BLTP3A: variants seen among roughly 807,000 people sequenced by gnomAD.
The protein encoded by BLTP3A is bridge-like lipid transfer protein family member 3A, also known as ICBP90 binding protein 1.
At chr6:34,860,957 A>G in the BLTP3A span, among the ~76,000 whole-genome samples, 1,928 of 152,158 alleles carry the variant, frequency 0.013, 42 homozygotes, top group African/African-American at 0.041. Flanking sequence ...GGACTCCTCT[A>G]TGGTAGTTAA....
chr6:34,821,685 A>G, the BLTP3A span: 14 of 1,613,428 alleles, frequency 8.7e-6, no homozygotes, highest in African/African-American at 1.7e-4. Context: ...GACAAAATCA[A>G]CCTGAGCACC....
the BLTP3A span, among the ~76,000 whole-genome samples, chr6:34,808,332 G>C: frequency 1.3e-5 from 1 of 79,884 alleles, no homozygotes; most frequent in Non-Finnish European, 2.1e-5. Flanking sequence ...GGCAACAAGA[G>C]TGAAACTCCG....
At chr6:34,862,370 C>T in the BLTP3A span, among the ~76,000 whole-genome samples, 2 of 149,440 alleles carry the variant, frequency 1.3e-5, no homozygotes, top group African/African-American at 2.5e-5. Context: ...AGCGAGACTC[C>T]GTCTCAAAAA....
the BLTP3A span, among the ~76,000 whole-genome samples, chr6:34,869,465 A>G: frequency 6.6e-6 from 1 of 152,040 alleles, no homozygotes; most frequent in Non-Finnish European, 1.5e-5. Flanking sequence ...ACGTGTTTAT[A>G]TTAATGTATT....
the BLTP3A span, among the ~76,000 whole-genome samples, chr6:34,870,669 C>G: frequency 1.3e-5 from 2 of 152,204 alleles, no homozygotes; most frequent in African/African-American, 2.4e-5. Context: ...TGCCTGGGTT[C>G]AGATCCTCTC....
the BLTP3A span, chr6:34,792,098 G>T: frequency 4.5e-6 from 2 of 449,186 alleles, no homozygotes; most frequent in Non-Finnish European, 3.4e-6. Flanking sequence ...GGAGCGCCAG[G>T]CGCCCAAAGA....
the BLTP3A span, among the ~76,000 whole-genome samples, chr6:34,823,619 T>C: frequency 6.7e-6 from 1 of 150,046 alleles, no homozygotes; most frequent in Non-Finnish European, 1.5e-5. Context: ...CACAGTTCAC[T>C]GTAGCCTCGA....
the BLTP3A span, among the ~76,000 whole-genome samples, chr6:34,825,035 T>C: frequency 6.6e-6 from 1 of 152,208 alleles, no homozygotes; most frequent in Non-Finnish European, 1.5e-5. Flanking sequence ...ATTTGGGTGA[T>C]AGGCCTTTTA....
At chr6:34,822,035 G>C in the BLTP3A span, 2 of 1,557,150 alleles carry the variant, frequency 1.3e-6, no homozygotes, top group South Asian at 1.1e-5. Context: ...GAAAATGATA[G>C]GCTAACCCTT....
the BLTP3A span, chr6:34,836,098 G>A: frequency 6.4e-7 from 1 of 1,564,312 alleles, no homozygotes; most frequent in East Asian, 2.3e-5. Flanking sequence ...CTTAAAGAAA[G>A]CCTACAAAGG....
chr6:34,821,443 C>CATTAAAAA, the BLTP3A span: 12 of 429,086 alleles, frequency 2.8e-5, no homozygotes, highest in South Asian at 2.4e-4. Flanking sequence ...TGCATTTGTT[C>CATTAAAAA]TGGCTGGTCT....
At chr6:34,821,423 G>T in the BLTP3A span, 1 of 377,200 alleles carries the variant, frequency 2.7e-6, no homozygotes, top group Non-Finnish European at 4.8e-6. Flanking sequence ...TAGAGATGGT[G>T]TGGTCTGAGT....
At chr6:34,864,258 C>G in the BLTP3A span, 1 of 1,478,738 alleles carries the variant, frequency 6.8e-7, no homozygotes, top group Non-Finnish European at 9.3e-7. Context: ...TCTCTGCTGC[C>G]TGTATCAGAC....
At chr6:34,824,686 T>G in the BLTP3A span, among the ~76,000 whole-genome samples, 1 of 152,034 alleles carries the variant, frequency 6.6e-6, no homozygotes, top group Non-Finnish European at 1.5e-5. Flanking sequence ...TTTTTTTGGT[T>G]TTGAGACAGG....
At chr6:34,805,592 CA>C in the BLTP3A span, among the ~76,000 whole-genome samples, 46,204 of 96,154 alleles carry the variant, frequency 0.48, 8,511 homozygotes, top group African/African-American at 0.59. Flanking sequence ...GACTTGGTCT[CA>C]AAAAAAAAAA....
At chr6:34,866,047 G>C in the BLTP3A span, among the ~76,000 whole-genome samples, 1 of 151,960 alleles carries the variant, frequency 6.6e-6, no homozygotes, top group African/African-American at 2.4e-5. Context: ...AATCTCCTGG[G>C]GTTCTTATAT....
chr6:34,819,342 C>T, the BLTP3A span, among the ~76,000 whole-genome samples: 1,054 of 132,378 alleles, frequency 8.0e-3, 17 homozygotes, highest in African/African-American at 0.026. Context: ...GTGTGATATT[C>T]CCCTTCCTGT....
the BLTP3A span, chr6:34,858,835 C>T: frequency 4.5e-3 from 7,289 of 1,614,112 alleles, 104 homozygotes; most frequent in African/African-American, 0.045. Context: ...GGCCCATGTC[C>T]GCGTGAGGCT....
At chr6:34,796,260 G>A in the BLTP3A span, among the ~76,000 whole-genome samples, 1 of 152,206 alleles carries the variant, frequency 6.6e-6, no homozygotes, top group Non-Finnish European at 1.5e-5. Flanking sequence ...AAGTTTTTCA[G>A]ATGATAAAGT....
Sources: allele counts gnomAD v4.1 joint callset (sites outside exome capture counted in the v4.1 genomes callset), GRCh38; gene constraint gnomAD v4.1.1; transcripts MANE v1.5; gene names NCBI Gene and HGNC (gene_info 2026-07-23, HGNC 2026-07-21).